TTC23: variants seen among roughly 807,000 people sequenced by gnomAD.
The protein encoded by TTC23 is tetratricopeptide repeat domain 23.
A neutral mutation model predicts 55.1 loss-of-function variants in TTC23; 58 were observed. The ratio of observed to expected loss-of-function variants is 1.05; its 90% CI spans 0.85 to 1.31. The LOEUF is 1.31. TTC23 is among the 50% of genes most tolerant of loss of function. The probability of loss-of-function intolerance (pLI) is 0.00; values close to 1 mark genes in which losing one functional copy is unlikely to be tolerated. For missense variants in TTC23, 516 were observed against 534.4 expected, an observed-to-expected ratio of 0.97 and a Z score of 0.34; for synonymous variants, 203 against 199.9, an observed-to-expected ratio of 1.02 and a Z score of -0.13.
chr15:99,215,581 C>CA (rs1474091741), intron 8 of TTC23, among the ~76,000 whole-genome samples: 1 of 151,744 alleles, frequency 6.6e-6, no homozygotes, highest in East Asian at 1.9e-4. Flanking sequence ...TTCATCTCTA[C>CA]AAAAAATACA....
chr15:99,211,682 GA>G (rs2077051508), intron 8 of TTC23, among the ~76,000 whole-genome samples: 1 of 152,094 alleles, frequency 6.6e-6, no homozygotes, highest in Admixed American at 6.6e-5. Context: ...CATGCACCTA[GA>G]TGCTTTAAAG....
chr15:99,144,308 G>A (rs1392893944), intron 12 of TTC23: 1 of 152,180 alleles, frequency 6.6e-6, no homozygotes, highest in Non-Finnish European at 1.5e-5. Flanking sequence ...GGACAGAGGG[G>A]TGGCTCAGTG....
At chr15:99,209,976 G>A (rs929655003) in intron 8 of TTC23, among the ~76,000 whole-genome samples, 15 of 152,190 alleles carry the variant, frequency 9.9e-5, no homozygotes, top group African/African-American at 2.9e-4. Context: ...AAGCTGTCTC[G>A]AACTCCTGGG....
intron 6 of TTC23, among the ~76,000 whole-genome samples, chr15:99,219,876 A>T (rs1331200892): frequency 6.6e-6 from 1 of 152,202 alleles, no homozygotes; most frequent in East Asian, 1.9e-4. Context: ...CTGTCAAAAT[A>T]TGAAGTTAAT....
At chr15:99,174,637 G>A (rs550344609) in intron 10 of TTC23, among the ~76,000 whole-genome samples, 4 of 152,322 alleles carry the variant, frequency 2.6e-5, no homozygotes, top group South Asian at 2.1e-4. Context: ...TCCTGAAGCC[G>A]TGTAAGTTCA....
chr15:99,218,743 G>A, intron 7 of TTC23, 30 bp from the exon 8 acceptor site: 1 of 1,613,116 alleles, frequency 6.2e-7, no homozygotes, highest in African/African-American at 1.3e-5. Context: ...TTTTCCACTT[G>A]GTTCTAGATT....
chr15:99,236,077 T>C (rs1304762395), intron 3 of TTC23, among the ~76,000 whole-genome samples: 2 of 152,250 alleles, frequency 1.3e-5, no homozygotes, highest in African/African-American at 4.8e-5. Context: ...TTAGCTATTG[T>C]GAATAATACT....
At chr15:99,240,411 T>C (rs938779313) in intron 3 of TTC23, among the ~76,000 whole-genome samples, 4 of 152,070 alleles carry the variant, frequency 2.6e-5, no homozygotes, top group Admixed American at 2.0e-4. Context: ...TTTCGCCAGT[T>C]AAAAAAAATT....
chr15:99,165,017 G>A (rs766363339), intron 10 of TTC23, among the ~76,000 whole-genome samples: 5 of 152,198 alleles, frequency 3.3e-5, no homozygotes, highest in Non-Finnish European at 7.3e-5. Flanking sequence ...TTATAAGGAG[G>A]TATAAGGAGT....
intron 8 of TTC23, among the ~76,000 whole-genome samples, chr15:99,201,697 G>A (rs1467469274): frequency 1.1e-4 from 16 of 152,202 alleles, no homozygotes; most frequent in Admixed American, 9.8e-4. Flanking sequence ...GAGGGCTACA[G>A]CTTGTAGAAA....
At chr15:99,161,307 A>G (rs2071348922) in intron 11 of TTC23, among the ~76,000 whole-genome samples, 1 of 152,172 alleles carries the variant, frequency 6.6e-6, no homozygotes, top group Non-Finnish European at 1.5e-5. Flanking sequence ...CTATTTTCAT[A>G]AGCCACGTAA....
At chr15:99,139,827 T>C (rs1465909996) in intron 12 of TTC23, 5 of 1,070,736 alleles carry the variant, frequency 4.7e-6, no homozygotes, top group Non-Finnish European at 6.3e-6. Context: ...GTCTATACTC[T>C]TGACTACACA....
At chr15:99,175,288 G>A in intron 9 of TTC23, 133 bp from the exon 10 acceptor site, 2 of 707,866 alleles carry the variant, frequency 2.8e-6, no homozygotes, top group South Asian at 1.8e-5. Context: ...TTATGTGGAA[G>A]TGAAATCAAC....
chr15:99,138,319 A>ATT (rs1233034058), intron 13 of TTC23, among the ~76,000 whole-genome samples, 192 bp from the exon 14 acceptor site: 1 of 146,524 alleles, frequency 6.8e-6, no homozygotes, highest in Admixed American at 6.8e-5. Flanking sequence ...TATTTTTTTA[A>ATT]TTTTTTTTTT....
upstream of TTC23, among the ~76,000 whole-genome samples, chr15:99,250,320 A>G (rs1597109062): frequency 6.6e-6 from 1 of 152,244 alleles, no homozygotes; most frequent in East Asian, 1.9e-4. Flanking sequence ...AATTTTTATT[A>G]TAACTCATAC....
chr15:99,208,446 C>T (rs908338983), intron 8 of TTC23, among the ~76,000 whole-genome samples: 2 of 152,142 alleles, frequency 1.3e-5, no homozygotes, highest in African/African-American at 4.8e-5. Flanking sequence ...AGTGTGTATA[C>T]TATTCTTTAC....
rs747351371 is a variant in TTC23 at position 99,156,070 on chromosome 15, C to A, written c.1143+78G>T. The A allele has an allele frequency of 1.9e-6, 3 of 1,578,698 alleles. No individual in the cohort carries two copies. The Admixed American group carries it at 5.4e-5, about 28-fold the overall frequency. On this transcript the variant is annotated intron_variant, in intron 12 of 13. Coordinates refer to ENST00000394132, the MANE Select transcript of TTC23 (RefSeq NM_001288615.3). ...ACTTCTAAAGTTTCATTTAAAAGAA[C>A]CACCACAAGGGAGAGAAATTGACCT...
At chr15:99,138,894 G>A (rs2067871549) in intron 13 of TTC23, among the ~76,000 whole-genome samples, 1 of 152,226 alleles carries the variant, frequency 6.6e-6, no homozygotes, top group Non-Finnish European at 1.5e-5. Flanking sequence ...AGAGCGCTGG[G>A]CCTCTGCTCG....
In TTC23 at chr15:99,249,480, T is replaced by A. The variant is rs538539910; in HGVS notation, c.-740A>T. ...GCGTGATTTGCCCTCTGGTTCCTGC[T>A]TTATCAGTTTGGTGATTCTTTGTAC... On this transcript the variant is annotated 5_prime_UTR_variant, in exon 1 of 14. It adds an upstream start codon to the 5' untranslated region. Transcript: ENST00000394132. 1 of 152,364 alleles carries A rather than the reference T, an allele frequency of 6.6e-6. No homozygotes were observed. The highest frequency in any genetic ancestry group is 6.5e-5 in the Admixed American group (1 of 15,302). The allele number at this position is 152,364 out of a possible 1,614,324, so 9.4% of individuals were successfully genotyped here.
Sources: gnomAD v4.1 joint callset for allele counts (sites outside exome capture counted in the v4.1 genomes callset) on GRCh38, gnomAD v4.1.1 for gene constraint, MANE v1.5 for transcripts, NCBI Gene and HGNC (gene_info 2026-07-23, HGNC 2026-07-21) for gene names.